NLRP1: variants seen among roughly 807,000 people sequenced by gnomAD.
NLRP1 encodes the protein NACHT, LRR and PYD domains-containing protein 1.
Under a neutral mutation model 136.7 loss-of-function variants are expected in NLRP1, and 94 were observed. The ratio of observed to expected loss-of-function variants is 0.69; its 90% confidence interval spans 0.58 to 0.82. The LOEUF is 0.82. NLRP1 is among the 40% of genes least tolerant of loss of function. NLRP1 has a pLI of 0.00. For synonymous variants in NLRP1, 690 were observed against 725.1 expected (o/e 0.95, Z 0.78); for missense variants, 1,575 against 1,802.7 (o/e 0.87, Z 2.29).
chr17:5,583,179 ACAGCAG>A lies in NLRP1; in HGVS notation c.272-339_272-334del, dbSNP rs201664446. Among the ~76,000 whole-genome samples, 15 of 152,030 alleles carry A rather than the reference ACAGCAG, an allele frequency of 9.9e-5. No homozygotes were observed. The highest frequency in any genetic ancestry group is 2.4e-4 in the African/African-American group (10 of 41,340). On this transcript the variant is annotated intron_variant, in intron 1 of 16. Transcript: ENST00000572272. This position sits in a 1 kb window ranked among gnomAD's most constrained non-coding sequence, Gnocchi z 4.5. ...CCCAGGGTGGCTAATAGTAATAATAACAGCAGCAGCAGCAGCAGCAACAACAGCAAT... is the reference window on the plus strand; with the variant it reads ...CCCAGGGTGGCTAATAGTAATAATAACAGCAGCAGCAGCAACAACAGCAAT...
At chr17:5,519,168 A>G (rs1399412068) in intron 14 of NLRP1, among the ~76,000 whole-genome samples, 1 of 151,776 alleles carries the variant, frequency 6.6e-6, no homozygotes, top group Admixed American at 6.6e-5. Context: ...ACGCTCGGCT[A>G]AAGTTTTGTA....
Position 5,530,608 on chromosome 17 carries a change from C to T in NLRP1, c.3393G>A (p.Val1131=), listed in dbSNP as rs1344816704. The T allele has an allele frequency of 6.2e-7, 1 of 1,614,238 alleles. No individual in the cohort carries two copies. Among genetic ancestry groups the T allele is most frequent in the South Asian group, 1.1e-5 (1 of 91,084 alleles). ...TGATCTCACCCAGGAACTGGTCCCA[C>T]ACACAGAATTCAATCTCAACGGTCA... ...EAVTVEIEFC[V]WDQFLGEINP... is the part of the protein sequence containing the mutation. Residue 1131 remains valine, a synonymous_variant, in exon 12 of 17, where the codon GTG becomes GTA. Coordinates refer to ENST00000572272, the MANE Select transcript of NLRP1 (RefSeq NM_033004.4).
At chr17:5,506,459 G>C (rs1196554184) in intron 15 of NLRP1, among the ~76,000 whole-genome samples, 3 of 152,124 alleles carry the variant, frequency 2.0e-5, no homozygotes, top group Non-Finnish European at 4.4e-5. Flanking sequence ...GTTTCAAAGA[G>C]ATATCTGTAC....
At position 5,558,472 on chromosome 17, in the gene NLRP1, C is replaced by T. The variant is rs1914357612; in HGVS notation, c.2224G>A (p.Gly742Ser). 3 of 1,613,914 alleles carry T rather than the reference C, an allele frequency of 1.9e-6. No homozygotes were observed. Among genetic ancestry groups the T allele is most frequent in the Non-Finnish European group, 2.5e-6 (3 of 1,180,022 alleles). The change falls in exon 4 of 17, where the codon GGC becomes AGC. Residue 742 changes from glycine to serine, a missense_variant. By Grantham distance (56) the Gly-to-Ser change is moderately conservative. Coordinates refer to ENST00000572272, the MANE Select transcript of NLRP1 (RefSeq NM_033004.4). Reference sequence around the variant, plus strand: ...TCCATGTCTGTTTCTACACACATGCCCATTTCTTCGAAATGGGCCATCACT... The same window carrying T: ...TCCATGTCTGTTTCTACACACATGCTCATTTCTTCGAAATGGGCCATCACT... ...TQVMAHFEEM[G>S]MCVETDMELL... is the part of the protein sequence containing the mutation.
At chr17:5,580,543 C>T (rs1905522460) in intron 3 of NLRP1, among the ~76,000 whole-genome samples, 1 of 152,004 alleles carries the variant, frequency 6.6e-6, no homozygotes, top group Non-Finnish European at 1.5e-5. Flanking sequence ...TATTGTGTAA[C>T]CCATTATATT....
chr17:5,512,390 T>G, downstream of NLRP1: 1 of 1,065,748 alleles, frequency 9.4e-7, no homozygotes, highest in Non-Finnish European at 1.5e-6. Flanking sequence ...TTGTAACATC[T>G]TCTAGTGCCC....
At chr17:5,539,787 C>T in intron 6 of NLRP1, 3 of 375,672 alleles carry the variant, frequency 8.0e-6, no homozygotes, top group Non-Finnish European at 7.3e-6. Context: ...CCTCAGGATG[C>T]CAGCACCTAC....
chr17:5,533,551 GTTTTTT>G (rs35006823), intron 9 of NLRP1, among the ~76,000 whole-genome samples, 167 bp from the exon 10 acceptor site: 1 of 90,028 alleles, frequency 1.1e-5, no homozygotes, highest in African/African-American at 4.4e-5. Flanking sequence ...GTGAGACTCT[GTTTTTT>G]TTTTTTTTTT....
Position 5,531,155 on chromosome 17 carries a change from T to TA in NLRP1, c.3297-452dup, listed in dbSNP as rs59522562. 9.9e-3 allele frequency among the ~76,000 whole-genome samples: 1,398 copies of TA among 141,274 alleles called. 27 individuals carry two copies. Among genetic ancestry groups the TA allele is most frequent in the South Asian group, 0.031 (136 of 4,458 alleles). 92.7% of individuals were successfully genotyped at this position (141,274 alleles called of 152,430 possible). ...GTCTTGTCTTGTCTGTCTATCTATCTATCTATCTAATCTATCTAATCTATC... is the reference window on the plus strand; with the variant it reads ...GTCTTGTCTTGTCTGTCTATCTATCTAATCTATCTAATCTATCTAATCTATC... On this transcript the variant is annotated intron_variant, in intron 11 of 16. Transcript: ENST00000572272.
At chr17:5,530,010 T>C (rs1021238155) in intron 12 of NLRP1, 5 of 456,760 alleles carry the variant, frequency 1.1e-5, no homozygotes, top group Non-Finnish European at 2.2e-5. Context: ...CCCTGTTTCA[T>C]GGCTCCAGCT....
chr17:5,528,633 T>G (rs1201573647), intron 12 of NLRP1, among the ~76,000 whole-genome samples: 1 of 152,200 alleles, frequency 6.6e-6, no homozygotes, highest in Non-Finnish European at 1.5e-5. Context: ...CTCATTTGAT[T>G]TTTCTCTTTC....
chr17:5,558,999 G>C lies in NLRP1; in HGVS notation c.1697C>G (p.Pro566Arg). The stretch of plus-strand genomic sequence containing the variant: ...CAGAGAGCAGAGGTCTCTGAGCTGG[G>C]GTCCCAATGGCTGAGCTTGGAGAGC... ...AQALQAQPLGPQLRDLCSLAA... is the reference protein window; with the variant it reads ...AQALQAQPLGRQLRDLCSLAA... The change falls in exon 4 of 17, where the codon CCC (proline) becomes CGC (arginine). Residue 566 changes from proline (P) to arginine (R), a missense_variant. By Grantham distance (103) the Pro-to-Arg change is moderately radical (BLOSUM62 -2). Transcript: ENST00000572272. The C allele has an allele frequency of 3.1e-6, 5 of 1,614,084 alleles. No individual in the cohort carries two copies. The highest frequency in any genetic ancestry group is 4.2e-6 in the Non-Finnish European group (5 of 1,180,000).
At chr17:5,519,982 G>A (rs1221897611) in intron 14 of NLRP1, among the ~76,000 whole-genome samples, 1 of 148,226 alleles carries the variant, frequency 6.7e-6, no homozygotes, top group Non-Finnish European at 1.5e-5. Context: ...TCAGCCCCCT[G>A]AGTAGCTGGC....
chr17:5,541,384 T>C lies in NLRP1; in HGVS notation c.2699+473A>G, dbSNP rs550607618. 6.6e-6 allele frequency among the ~76,000 whole-genome samples: 1 copy of C among 152,218 alleles called. No individual in the cohort carries two copies. Among genetic ancestry groups the C allele is most frequent in the Non-Finnish European group, 1.5e-5 (1 of 67,996 alleles). Reference sequence around the variant, plus strand: ...TGGCGGGGGGGATGGCTCTGTCCCCTCGGATGAGATAGTAAATCGAACTAA... The same window carrying C: ...TGGCGGGGGGGATGGCTCTGTCCCCCCGGATGAGATAGTAAATCGAACTAA... On this transcript the variant is annotated intron_variant, in intron 6 of 16. Transcript: ENST00000572272. This position sits in a 1 kb window ranked among gnomAD's most constrained non-coding sequence, Gnocchi z 4.2.
chr17:5,518,547 T>C (rs1341165848), intron 14 of NLRP1: 1 of 151,350 alleles, frequency 6.6e-6, no homozygotes, highest in African/African-American at 2.4e-5. Flanking sequence ...GCCTTTTGTT[T>C]TTTTCTCTTT....
downstream of NLRP1, among the ~76,000 whole-genome samples, chr17:5,509,550 C>T (rs1055802196): frequency 2.0e-5 from 3 of 152,198 alleles, no homozygotes; most frequent in Non-Finnish European, 4.4e-5. Context: ...ATCAGAGTGC[C>T]TGGTGGAAGC....
At chr17:5,502,000 G>T (rs973134048) in intron 15 of NLRP1, 63 of 785,786 alleles carry the variant, frequency 8.0e-5, no homozygotes, top group Non-Finnish European at 1.2e-4. Flanking sequence ...CCTGCCTCCT[G>T]CAAGTGAAAG....
At chr17:5,579,538 G>A (rs1383618098) in intron 3 of NLRP1, among the ~76,000 whole-genome samples, 1 of 152,164 alleles carries the variant, frequency 6.6e-6, no homozygotes, top group African/African-American at 2.4e-5. Flanking sequence ...TTCGCGATTT[G>A]CCAAAGAACT....
chr17:5,568,644 A>C (rs757201452), intron 3 of NLRP1, among the ~76,000 whole-genome samples: 13 of 152,080 alleles, frequency 8.5e-5, no homozygotes, highest in Non-Finnish European at 1.0e-4. Flanking sequence ...TGAAGAGTTG[A>C]GCATTTATTG....
Sources: allele counts gnomAD v4.1 joint callset (sites outside exome capture counted in the v4.1 genomes callset), GRCh38; gene constraint gnomAD v4.1.1; non-coding constraint Gnocchi (gnomAD v3.1); transcripts MANE v1.5; gene names NCBI Gene and HGNC (gene_info 2026-07-23, HGNC 2026-07-21).